NAV2: variants seen among roughly 807,000 people sequenced by gnomAD.
NAV2 encodes neuron navigator 2.
In NAV2, 54 loss-of-function variants were observed where a neutral mutation model predicts 223.2. The ratio of observed to expected loss-of-function variants is 0.24; its 90% confidence interval spans 0.19 to 0.30. The LOEUF (loss-of-function observed/expected upper bound fraction) is 0.30. NAV2 is among the 10% of genes least tolerant of loss of function. NAV2 has a pLI of 1.00. For synonymous variants in NAV2, 1,279 were observed against 1,239.3 expected, an observed-to-expected ratio of 1.03 and a Z score of -0.67; for missense variants, 2,806 against 3,147.5, an observed-to-expected ratio of 0.89 and a Z score of 2.60.
chr11:19,706,507 A>G (rs1344986099), intron 1 of NAV2, among the ~76,000 whole-genome samples: 2 of 152,138 alleles, frequency 1.3e-5, no homozygotes, highest in Non-Finnish European at 2.9e-5. Flanking sequence ...AGTATTGGTT[A>G]TATTGTTTGT....
chr11:19,657,309 G>A (rs886097802), intron 1 of NAV2, among the ~76,000 whole-genome samples: 1 of 152,130 alleles, frequency 6.6e-6, no homozygotes, highest in African/African-American at 2.4e-5. Flanking sequence ...GTACATACAC[G>A]TTTTGCTAGT....
intron 6 of NAV2, among the ~76,000 whole-genome samples, chr11:19,892,841 C>T (rs765838648): frequency 2.2e-4 from 34 of 152,226 alleles, no homozygotes; most frequent in South Asian, 1.9e-3. Context: ...CATAGACACC[C>T]GGCTATGCAT....
At chr11:20,011,073 G>A (rs2053526724) in intron 11 of NAV2, among the ~76,000 whole-genome samples, 1 of 152,158 alleles carries the variant, frequency 6.6e-6, no homozygotes. Flanking sequence ...GTGCTGGGGT[G>A]CAAATTCTTT....
chr11:19,714,750 C>G (rs887071731), intron 1 of NAV2, among the ~76,000 whole-genome samples: 5 of 152,160 alleles, frequency 3.3e-5, no homozygotes, highest in Non-Finnish European at 7.3e-5. Context: ...TGACTCCTAC[C>G]TTTCCAGACA....
chr11:19,807,774 CCT>C (rs1403640741), intron 1 of NAV2, among the ~76,000 whole-genome samples: 1 of 152,210 alleles, frequency 6.6e-6, no homozygotes, highest in African/African-American at 2.4e-5. Flanking sequence ...ATGATAACCT[CCT>C]CTCAAAAAAT....
chr11:19,951,431 T>C (rs112566978), intron 10 of NAV2, among the ~76,000 whole-genome samples: 2 of 151,808 alleles, frequency 1.3e-5, no homozygotes, highest in Admixed American at 1.3e-4. Flanking sequence ...CATACACCTA[T>C]TACAACTGAA....
chr11:19,984,622 G>T (rs748225204), intron 11 of NAV2, among the ~76,000 whole-genome samples: 10 of 152,304 alleles, frequency 6.6e-5, no homozygotes, highest in South Asian at 6.2e-4. Flanking sequence ...GGCACAGAAG[G>T]TCTGTGTGCA....
intron 29 of NAV2, among the ~76,000 whole-genome samples, chr11:20,094,595 A>G (rs1256816059): frequency 6.6e-6 from 1 of 152,200 alleles, no homozygotes; most frequent in East Asian, 1.9e-4. Flanking sequence ...GATTGTCAAT[A>G]TGAACACATA....
intron 1 of NAV2, among the ~76,000 whole-genome samples, chr11:19,599,032 C>T (rs767678625): frequency 6.6e-6 from 1 of 152,178 alleles, no homozygotes; most frequent in Non-Finnish European, 1.5e-5. Context: ...GATGAAATGG[C>T]AGGGGCACTT....
chr11:20,098,127 C>T (rs1242859330), intron 31 of NAV2, among the ~76,000 whole-genome samples: 1 of 152,304 alleles, frequency 6.6e-6, no homozygotes, highest in East Asian at 1.9e-4. Context: ...CTGTAGGAGT[C>T]ACTCTGAGCA....
At chr11:20,006,060 C>T (rs901860239) in intron 11 of NAV2, among the ~76,000 whole-genome samples, 3 of 152,072 alleles carry the variant, frequency 2.0e-5, no homozygotes, top group Non-Finnish European at 4.4e-5. Flanking sequence ...GACCCTGTTA[C>T]TCCCTGTTCC....
chr11:19,994,408 G>C (rs996333419), intron 11 of NAV2, among the ~76,000 whole-genome samples: 1 of 152,162 alleles, frequency 6.6e-6, no homozygotes, highest in Non-Finnish European at 1.5e-5. Context: ...TTAGCTGGGC[G>C]TGGTGGCGGG....
chr11:20,075,161 G>A (rs995515136), intron 22 of NAV2, among the ~76,000 whole-genome samples: 2 of 151,860 alleles, frequency 1.3e-5, no homozygotes, highest in Non-Finnish European at 2.9e-5. Context: ...GCAGACTAAA[G>A]CATATCTCTT....
intron 1 of NAV2, chr11:19,575,224 G>C (rs2045538867): frequency 1.9e-5 from 3 of 153,986 alleles, no homozygotes; most frequent in South Asian, 4.1e-4. Context: ...GTTTAAATTA[G>C]AGGGGTTCTT....
chr11:19,764,483 G>A (rs969223298), intron 1 of NAV2, among the ~76,000 whole-genome samples: 1 of 152,178 alleles, frequency 6.6e-6, no homozygotes, highest in Non-Finnish European at 1.5e-5. Flanking sequence ...AGACACAGAT[G>A]TATTGTTCAT....
At chr11:19,848,637 T>G (rs192967825) in intron 3 of NAV2, among the ~76,000 whole-genome samples, 1 of 152,336 alleles carries the variant, frequency 6.6e-6, no homozygotes, top group East Asian at 1.9e-4. Context: ...TGGGGTTGTT[T>G]TAAGGCTTCC....
intron 1 of NAV2, among the ~76,000 whole-genome samples, chr11:19,517,582 A>G (rs552539117): frequency 1.3e-5 from 2 of 152,212 alleles, no homozygotes; most frequent in Non-Finnish European, 2.9e-5. Context: ...TTGAGCATCA[A>G]AGGTTCAGAA....
rs397781787 is a variant in NAV2, at chr11:19,777,418, T to TC, written c.268-55062dup. ...CAGGTGCTTCGGCTTTTTTTTTTTTTCCCCTCCTCCTTTTTCCTCTGCCCC... is the reference window on the plus strand; with the variant it reads ...CAGGTGCTTCGGCTTTTTTTTTTTTTCCCCCTCCTCCTTTTTCCTCTGCCCC... On this transcript the variant is annotated intron_variant, in intron 1 of 37. Transcript: ENST00000349880. The TC allele has an allele frequency of 4.0e-3, 1,727 of 432,876 alleles. 21 individuals carry two copies. The Admixed American group carries it at 0.04, about 10-fold the overall frequency. The allele number at this position is 432,876 out of a possible 1,614,324, so 26.8% of individuals were successfully genotyped here.
chr11:19,773,478 G>A (rs965538459), intron 1 of NAV2, among the ~76,000 whole-genome samples: 1 of 152,160 alleles, frequency 6.6e-6, no homozygotes, highest in South Asian at 2.1e-4. Flanking sequence ...AAAGCCATGA[G>A]CTGAAAAAAG....
Sources: gnomAD v4.1 joint callset for allele counts (sites outside exome capture counted in the v4.1 genomes callset) on GRCh38, gnomAD v4.1.1 for gene constraint, MANE v1.5 for transcripts, NCBI Gene and HGNC (gene_info 2026-07-23, HGNC 2026-07-21) for gene names.